The following FBN1 variants were observed in gnomAD, a reference collection of about 807,000 sequenced individuals.
FBN1 encodes fibrillin 1.
In FBN1, 29 loss-of-function variants were observed where a neutral mutation model predicts 365.1. The ratio of observed to expected loss-of-function variants is 0.08; its 90% CI spans 0.06 to 0.11. The LOEUF (loss-of-function observed/expected upper bound fraction) is 0.11, where lower values mean the gene tolerates loss of function less well. Among genes scored for constraint, FBN1 ranks in the 10% least tolerant of loss-of-function variants. FBN1 has a pLI of 1.00. For missense variants in FBN1, 2,476 were observed against 3,703.2 expected, an observed-to-expected ratio of 0.67 and a Z score of 8.60; for synonymous variants, 1,210 against 1,270.5, an observed-to-expected ratio of 0.95 and a Z score of 1.01.
intron 44 of FBN1, among the ~76,000 whole-genome samples, chr15:48,455,711 G>T (rs571013461): frequency 6.6e-6 from 1 of 152,310 alleles, no homozygotes; most frequent in East Asian, 1.9e-4. Flanking sequence ...ACAGCAGGCA[G>T]AGTAAGGGAC....
intron 6 of FBN1, among the ~76,000 whole-genome samples, chr15:48,552,077 C>T (rs754025769): frequency 1.7e-4 from 26 of 152,146 alleles, no homozygotes; most frequent in Non-Finnish European, 3.2e-4. Context: ...TGAGGAATCA[C>T]CACACTGTCT....
chr15:48,624,483 A>T (rs1889835952), intron 2 of FBN1, among the ~76,000 whole-genome samples: 1 of 152,232 alleles, frequency 6.6e-6, no homozygotes, highest in Admixed American at 6.5e-5. Context: ...CATACATGGG[A>T]AGAGGTGAAT....
intron 6 of FBN1, among the ~76,000 whole-genome samples, chr15:48,565,053 C>T (rs529611242): frequency 2.6e-5 from 4 of 152,154 alleles, no homozygotes; most frequent in Non-Finnish European, 5.9e-5. Context: ...TACCACTTTA[C>T]GATGGTAATA....
At chr15:48,438,725 C>T (rs754000292) in intron 50 of FBN1, among the ~76,000 whole-genome samples, 45 of 152,110 alleles carry the variant, frequency 3.0e-4, no homozygotes, top group Non-Finnish European at 2.9e-4. Context: ...TTGATGACTC[C>T]AACAAAGAAG....
At chr15:48,523,718 G>C (rs1045876719) in intron 9 of FBN1, among the ~76,000 whole-genome samples, 3 of 151,180 alleles carry the variant, frequency 2.0e-5, no homozygotes, top group African/African-American at 7.4e-5. Flanking sequence ...GCTGGGGGGG[G>C]GGGGGAACCG....
chr15:48,578,708 G>A (rs1321106381), intron 6 of FBN1, among the ~76,000 whole-genome samples: 1 of 150,982 alleles, frequency 6.6e-6, no homozygotes, highest in Non-Finnish European at 1.5e-5. Context: ...CCTTTGTAGG[G>A]ACATGGATGA....
chr15:48,490,958 G>C (rs2043553209), intron 24 of FBN1, among the ~76,000 whole-genome samples: 1 of 151,998 alleles, frequency 6.6e-6, no homozygotes, highest in Non-Finnish European at 1.5e-5. Context: ...TTCACAATGG[G>C]GTCATTAACA....
chr15:48,580,954 G>A (rs971101628), intron 6 of FBN1, among the ~76,000 whole-genome samples: 4 of 152,148 alleles, frequency 2.6e-5, no homozygotes, highest in African/African-American at 9.7e-5. Context: ...GGGCAGACAA[G>A]AGCCAAACAC....
Position 48,534,108 on chromosome 15 carries a change from T to C in FBN1, c.834A>G (p.Lys278=). The C allele has an allele frequency of 6.2e-7, 1 of 1,613,790 alleles. No individual in the cohort carries two copies. The change falls in exon 8 of 66, where the codon AAA becomes AAG. Residue 278 remains lysine, a synonymous_variant. Transcript: ENST00000316623. ...CACATTTTTGTGACACTTCATTAAGTTTGTGTCCAGCAGGGCATTTGCACT... is the reference window on the plus strand; with the variant it reads ...CACATTTTTGTGACACTTCATTAAGCTTGTGTCCAGCAGGGCATTTGCACT... The part of the protein sequence containing the change: ...SFECKCPAGH[K]LNEVSQKCED...
chr15:48,630,641 T>G (rs1484978535), intron 2 of FBN1, among the ~76,000 whole-genome samples: 1 of 147,636 alleles, frequency 6.8e-6, no homozygotes, highest in African/African-American at 2.5e-5. Flanking sequence ...TCCCAGGAAG[T>G]CGGTAGAGCA....
chr15:48,484,862 C>T (rs2043492795), intron 30 of FBN1, among the ~76,000 whole-genome samples: 1 of 152,182 alleles, frequency 6.6e-6, no homozygotes, highest in African/African-American at 2.4e-5. Context: ...CAGGGTGATA[C>T]AAAAGGAAGT....
At chr15:48,455,110 T>C (rs770896431) in intron 44 of FBN1, among the ~76,000 whole-genome samples, 2 of 152,206 alleles carry the variant, frequency 1.3e-5, no homozygotes, top group Non-Finnish European at 2.9e-5. Flanking sequence ...CAACCTTCAT[T>C]TTCCTATTCT....
At chr15:48,433,266 T>C (rs1010771031) in intron 54 of FBN1, among the ~76,000 whole-genome samples, 8 of 152,178 alleles carry the variant, frequency 5.3e-5, no homozygotes, top group Non-Finnish European at 1.2e-4. Context: ...TTTAGGTGGA[T>C]GGGAAATTAC....
intron 36 of FBN1, 58 bp downstream of exon 36, chr15:48,470,576 A>T: frequency 6.2e-7 from 1 of 1,611,766 alleles, no homozygotes; most frequent in Non-Finnish European, 8.5e-7. Flanking sequence ...GGGAGGCTCC[A>T]ATAGCTGGGT....
At chr15:48,489,706 A>G (rs1485747807) in intron 25 of FBN1, 145 bp downstream of exon 25, 1 of 736,104 alleles carries the variant, frequency 1.4e-6, no homozygotes, top group Non-Finnish European at 2.3e-6. Flanking sequence ...CAAAAAGTTC[A>G]TACTTTTCTA....
intron 6 of FBN1, among the ~76,000 whole-genome samples, chr15:48,556,014 T>A (rs1330349851): frequency 1.3e-5 from 2 of 152,194 alleles, no homozygotes; most frequent in East Asian, 3.8e-4. Flanking sequence ...TCCAAAGTAG[T>A]AATATACCTA....
chr15:48,639,644 G>A (rs1394112096), intron 2 of FBN1, among the ~76,000 whole-genome samples: 1 of 152,124 alleles, frequency 6.6e-6, no homozygotes, highest in East Asian at 1.9e-4. Context: ...TGTCTTCAAT[G>A]ATTTAACTAT....
intron 15 of FBN1, among the ~76,000 whole-genome samples, chr15:48,508,110 T>A (rs1390046562): frequency 6.6e-6 from 1 of 152,174 alleles, no homozygotes; most frequent in African/African-American, 2.4e-5. Context: ...TTAAAAAAAA[T>A]TTCTGTGTCT....
intron 32 of FBN1, among the ~76,000 whole-genome samples, chr15:48,481,137 T>C (rs1267002249): frequency 6.6e-6 from 1 of 152,322 alleles, no homozygotes; most frequent in Middle Eastern, 3.4e-3. Flanking sequence ...CTAAGTCCCA[T>C]GAATAAAGAC....
Sources: gnomAD v4.1 joint callset for allele counts (sites outside exome capture counted in the v4.1 genomes callset) on GRCh38, gnomAD v4.1.1 for gene constraint, MANE v1.5 for transcripts, NCBI Gene and HGNC (gene_info 2026-07-23, HGNC 2026-07-21) for gene names.